The following KIAA1958 variants were observed in gnomAD, a reference collection of about 807,000 sequenced individuals.
KIAA1958 encodes KIAA1958.
In KIAA1958, 14 loss-of-function variants were observed where a neutral mutation model predicts 47.2. That is an observed-to-expected ratio of 0.30 (90% CI 0.20 to 0.46). The LOEUF (loss-of-function observed/expected upper bound fraction) is 0.46, where lower values mean the gene tolerates loss of function less well. Ranked by LOEUF, KIAA1958 falls within the 20% of genes least tolerant of loss-of-function variation. The pLI is 1.00. For synonymous variants in KIAA1958, 354 were observed against 353.3 expected (o/e 1.00, Z -0.02); for missense variants, 803 against 909.2 (o/e 0.88, Z 1.50).
chr9:112,556,675 G>A (rs1835247712), intron 1 of KIAA1958, among the ~76,000 whole-genome samples: 1 of 152,174 alleles, frequency 6.6e-6, no homozygotes, highest in Non-Finnish European at 1.5e-5. Context: ...AGATTGTACA[G>A]GCTTTCTGAG....
chr9:112,635,260 G>GTGTT (rs1265781627), intron 2 of KIAA1958, among the ~76,000 whole-genome samples: 1 of 128,524 alleles, frequency 7.8e-6, no homozygotes, highest in Non-Finnish European at 1.7e-5. Flanking sequence ...GTGTGTGTGT[G>GTGTT]TGTGTTTTGA....
At chr9:112,612,469 C>T (rs1441706843) in intron 2 of KIAA1958, among the ~76,000 whole-genome samples, 1 of 151,870 alleles carries the variant, frequency 6.6e-6, no homozygotes, top group African/African-American at 2.4e-5. Context: ...TAAATATATC[C>T]AGAGTTCCTA....
In KIAA1958 at chr9:112,618,703, G is replaced by A. The variant is rs1392755740; in HGVS notation, c.1172-26947G>A. The A allele has an allele frequency of 1.9e-6, 3 of 1,550,708 alleles. No individual in the cohort carries two copies. In the Admixed American group the frequency reaches 5.9e-5, roughly 30 times the overall value. On this transcript the variant is annotated intron_variant, in intron 2 of 3. Transcript: ENST00000337530. The surrounding 1 kb of genome is among the most constrained non-coding windows in gnomAD (Gnocchi z 7.1). The stretch of plus-strand genomic sequence containing the variant: ...GCAAGAACAAGCTGGCCAAGATGGT[G>A]AAGACCATGTGTGAGAAGGGCAACA...
intron 1 of KIAA1958, among the ~76,000 whole-genome samples, chr9:112,520,275 C>T (rs1443939856): frequency 6.6e-6 from 1 of 152,220 alleles, no homozygotes; most frequent in East Asian, 1.9e-4. Flanking sequence ...AGAAGCACTA[C>T]CTTCAGTTGT....
intron 1 of KIAA1958, among the ~76,000 whole-genome samples, chr9:112,519,072 G>A (rs1234461782): frequency 6.6e-6 from 1 of 151,986 alleles, no homozygotes; most frequent in East Asian, 1.9e-4. Flanking sequence ...TGGTACTATA[G>A]GCAGGCACCA....
At position 112,660,790 on chromosome 9, in the gene KIAA1958, G is replaced by C. The variant is rs967241530; in HGVS notation, c.*721G>C. 15 of 152,210 alleles carry C rather than the reference G, an allele frequency of 9.9e-5. No homozygotes were observed. The highest frequency in any genetic ancestry group is 3.6e-4 in the African/African-American group (15 of 41,456). The allele number at this position is 152,210 out of a possible 1,614,324, so 9.4% of individuals were successfully genotyped here. On this transcript the variant is annotated 3_prime_UTR_variant, in exon 4 of 4. Transcript: ENST00000337530. Reference sequence around the variant, plus strand: ...AACAAGGCTTCTAGTGAACTAGACAGTTTGTACCATGAGGGAATTTCTAGT... The same window carrying C: ...AACAAGGCTTCTAGTGAACTAGACACTTTGTACCATGAGGGAATTTCTAGT...
In KIAA1958 at chr9:112,666,342, A is replaced by T. The variant is rs1837350743; in HGVS notation, c.*6273A>T. 1.3e-5 allele frequency: 2 copies of T among 152,178 alleles called. No homozygotes were observed. The highest frequency in any genetic ancestry group is 1.3e-4 in the Admixed American group (2 of 15,282). The allele number at this position is 152,178 out of a possible 1,614,324, so 9.4% of individuals were successfully genotyped here. A position where few individuals can be genotyped will look rare whatever the true frequency, so the allele number is the denominator to read the frequency against. On this transcript the variant is annotated 3_prime_UTR_variant, in exon 4 of 4. Coordinates refer to ENST00000337530, the MANE Select transcript of KIAA1958 (RefSeq NM_133465.4). ...GCAATAGGTTATATGAAACTCTGAG[A>T]TCATCTAGTCAAATTCCCCCATTTT... is the stretch of plus-strand genomic sequence containing the variant.
At position 112,662,860 on chromosome 9, in the gene KIAA1958, T is replaced by A. The variant is rs1837301825; in HGVS notation, c.*2791T>A. 1 of 152,340 alleles carries A rather than the reference T, an allele frequency of 6.6e-6. No homozygotes were observed. The highest frequency in any genetic ancestry group is 1.5e-5 in the Non-Finnish European group (1 of 68,144). The allele number at this position is 152,340 out of a possible 1,614,324, so 9.4% of individuals were successfully genotyped here. ...TTGGCCAAAGCCGTCCTCCGAGGTCTTAAGGGGGCCAGAGTAGCAGTCCTC... is the reference window on the plus strand; with the variant it reads ...TTGGCCAAAGCCGTCCTCCGAGGTCATAAGGGGGCCAGAGTAGCAGTCCTC... On this transcript the variant is annotated 3_prime_UTR_variant, in exon 4 of 4. Coordinates refer to ENST00000337530, the MANE Select transcript of KIAA1958 (RefSeq NM_133465.4).
intron 1 of KIAA1958, among the ~76,000 whole-genome samples, chr9:112,546,748 T>C (rs6477952): frequency 0.95 from 145,240 of 152,142 alleles, 69,401 homozygotes; most frequent in African/African-American, 0.99. Context: ...CAGAGTTCTA[T>C]GTCCTCTCTT....
At chr9:112,506,145 C>G (rs1368996250) in intron 1 of KIAA1958, among the ~76,000 whole-genome samples, 3 of 152,098 alleles carry the variant, frequency 2.0e-5, no homozygotes, top group Non-Finnish European at 4.4e-5. Context: ...TTATAGAGTA[C>G]TGTGGCAATT....
intron 2 of KIAA1958, among the ~76,000 whole-genome samples, chr9:112,577,531 C>T (rs1199227796): frequency 2.0e-5 from 3 of 149,210 alleles, no homozygotes; most frequent in Non-Finnish European, 3.0e-5. Flanking sequence ...CTCCTGCCCC[C>T]CTTTTTTTTT....
intron 1 of KIAA1958, among the ~76,000 whole-genome samples, chr9:112,487,745 G>A (rs1054170396): frequency 6.6e-6 from 1 of 152,158 alleles, no homozygotes; most frequent in African/African-American, 2.4e-5. Context: ...GCTGCGCACA[G>A]TGATTTGTGT....
intron 3 of KIAA1958, among the ~76,000 whole-genome samples, chr9:112,653,479 G>T (rs1224139882): frequency 2.0e-5 from 3 of 152,190 alleles, no homozygotes; most frequent in Non-Finnish European, 4.4e-5. Context: ...TCCCCTACTA[G>T]TCTCACTTGG....
chr9:112,533,567 C>T (rs1395834988), intron 1 of KIAA1958, among the ~76,000 whole-genome samples: 3 of 131,426 alleles, frequency 2.3e-5, no homozygotes, highest in Admixed American at 8.3e-5. Flanking sequence ...GGCGACACAG[C>T]GAGACTCCAT....
chr9:112,617,539 T>C (rs1311443521), intron 2 of KIAA1958, among the ~76,000 whole-genome samples: 1 of 152,240 alleles, frequency 6.6e-6, no homozygotes, highest in African/African-American at 2.4e-5. Context: ...GTAGGATAAA[T>C]AGCACATTTC....
chr9:112,618,194 A>C lies in KIAA1958; in HGVS notation c.1172-27456A>C. 6.4e-7 allele frequency: 1 copy of C among 1,550,640 alleles called. No homozygotes were observed. The highest frequency in any genetic ancestry group is 8.7e-7 in the Non-Finnish European group (1 of 1,147,012). ...ATTCAAGCGTTCCCAAGAGGCCCTG[A>C]AGCAGAAGCAAATTGAACTCCGCTG... On this transcript the variant is annotated intron_variant, in intron 2 of 3. Coordinates refer to ENST00000337530, the MANE Select transcript of KIAA1958 (RefSeq NM_133465.4). This position sits in a 1 kb window ranked among gnomAD's most constrained non-coding sequence, Gnocchi z 7.1.
Position 112,487,067 on chromosome 9 carries a change from G to T in KIAA1958, c.-76G>T. 2 of 224,674 alleles carry T rather than the reference G, an allele frequency of 8.9e-6. No homozygotes were observed. Among genetic ancestry groups the T allele is most frequent in the South Asian group, 4.8e-5 (1 of 21,008 alleles). The allele number at this position is 224,674 out of a possible 1,614,324, so 13.9% of individuals were successfully genotyped here. ...CAGCCCGGGCTGCCCGGCTCTCGCA[G>T]GCCCCCCCGCGCCGACCGCGTTCCT... On this transcript the variant is annotated 5_prime_UTR_variant, in exon 1 of 4. It adds an upstream start codon to the 5' untranslated region. Transcript: ENST00000337530.
intron 1 of KIAA1958, among the ~76,000 whole-genome samples, chr9:112,504,337 C>T (rs1387761703): frequency 6.6e-6 from 1 of 152,036 alleles, no homozygotes; most frequent in East Asian, 1.9e-4. Flanking sequence ...CAGGTGCGTG[C>T]CACACTACCC....
intron 2 of KIAA1958, among the ~76,000 whole-genome samples, chr9:112,611,096 T>C (rs889917093): frequency 3.3e-5 from 5 of 152,198 alleles, no homozygotes; most frequent in African/African-American, 1.2e-4. Flanking sequence ...CATATCAATA[T>C]ATCTGTATCA....
Sources: allele counts gnomAD v4.1 joint callset (sites outside exome capture counted in the v4.1 genomes callset), GRCh38; gene constraint gnomAD v4.1.1; non-coding constraint Gnocchi (gnomAD v3.1); transcripts MANE v1.5; gene names NCBI Gene and HGNC (gene_info 2026-07-23, HGNC 2026-07-21).